Variants in BBS4 observed in about 807,000 individuals in gnomAD.
The protein encoded by BBS4 is Bardet-Biedl syndrome 4, also known as BBSome complex member BBS4.
In BBS4, 58 loss-of-function variants were observed where a neutral mutation model predicts 71.4. The ratio of observed to expected loss-of-function variants is 0.81; its 90% CI spans 0.66 to 1.01. BBS4 has a LOEUF of 1.01. Among genes scored for constraint, BBS4 ranks in the 50% least tolerant of loss-of-function variants. The pLI is 0.00. For missense variants in BBS4, 660 were observed against 607.9 expected (o/e 1.09, Z -0.90); for synonymous variants, 228 against 216.8 (o/e 1.05, Z -0.46).
chr15:72,687,966 G>A (rs542464008), intron 1 of BBS4, among the ~76,000 whole-genome samples: 1 of 143,068 alleles, frequency 7.0e-6, no homozygotes, highest in South Asian at 2.3e-4. Context: ...CATGGTTAAT[G>A]TTACTGGGTT....
intron 1 of BBS4, among the ~76,000 whole-genome samples, chr15:72,694,832 T>G (rs1189196209): frequency 2.0e-5 from 3 of 152,220 alleles, no homozygotes; most frequent in Non-Finnish European, 4.4e-5. Flanking sequence ...ACTTTTTTGG[T>G]TTGGCTGCTG....
At chr15:72,725,057 T>TATAGAGAGAG (rs369692212) in intron 8 of BBS4, among the ~76,000 whole-genome samples, 5 of 127,592 alleles carry the variant, frequency 3.9e-5, no homozygotes, top group Admixed American at 8.1e-5. Flanking sequence ...TATATATATA[T>TATAGAGAGAG]AGAGAGAGAG....
At chr15:72,712,908 TA>T (rs2065401108) in intron 4 of BBS4, among the ~76,000 whole-genome samples, 1 of 152,204 alleles carries the variant, frequency 6.6e-6, no homozygotes, top group Non-Finnish European at 1.5e-5. Flanking sequence ...TTATAAACTT[TA>T]AAACTTTTTG....
chr15:72,722,796 G>A lies in BBS4; in HGVS notation c.408G>A (p.Glu136=), dbSNP rs201881253. Residue 136 remains glutamate, a splice_region_variant and synonymous_variant, in exon 7 of 16, where the codon GAG becomes GAA. Transcript: ENST00000268057. Reference sequence around the variant, plus strand: ...TTCCTTCTTTTTTATGAGCCTAGGAGATCAGCCATAACCTAGGAGTTTGCT... The same window carrying A: ...TTCCTTCTTTTTTATGAGCCTAGGAAATCAGCCATAACCTAGGAGTTTGCT... ...EAAKLNQKDW[E]ISHNLGVCYI... The A allele has an allele frequency of 3.0e-5, 48 of 1,613,760 alleles. No individual in the cohort carries two copies. The East Asian group carries it at 9.6e-4, about 32-fold the overall frequency.
At chr15:72,714,457 C>T (rs1165727786) in intron 4 of BBS4, among the ~76,000 whole-genome samples, 4 of 152,076 alleles carry the variant, frequency 2.6e-5, no homozygotes, top group African/African-American at 9.7e-5. Context: ...AACTCCTGAC[C>T]TCAGGTGATC....
chr15:72,701,571 G>A (rs1366912381), intron 2 of BBS4, among the ~76,000 whole-genome samples: 1 of 150,196 alleles, frequency 6.7e-6, no homozygotes, highest in Non-Finnish European at 1.5e-5. Flanking sequence ...AAATAAAGGT[G>A]TACAAACGCA....
In BBS4 at chr15:72,735,197, G is replaced by C; in HGVS notation, c.1106+15G>C. ...CACCTGGATAAGTATGCACTTTGTT[G>C]AGAATGGTACTGGCGGGGGTTGGAC... On this transcript the variant is annotated intron_variant, in intron 13 of 15. Coordinates refer to ENST00000268057, the MANE Select transcript of BBS4 (RefSeq NM_033028.5). The C allele has an allele frequency of 6.2e-7, 1 of 1,607,826 alleles. No homozygotes were observed. The highest frequency in any genetic ancestry group is 8.5e-7 in the Non-Finnish European group (1 of 1,174,656).
chr15:72,735,732 C>A, intron 13 of BBS4, 93 bp from the exon 14 acceptor site: 4 of 1,499,294 alleles, frequency 2.7e-6, no homozygotes, highest in Non-Finnish European at 3.7e-6. Context: ...CTCTACTTAA[C>A]CAGTTTTGTT....
Position 72,686,208 on chromosome 15 carries a change from C to T in BBS4, c.-20C>T. ...GGGAAACCGCCGACTTCCGGCCGCG[C>T]AGCGGTGGGCTGAGCTAAAATGGCT... On this transcript the variant is annotated 5_prime_UTR_variant, in exon 1 of 16. Coordinates refer to ENST00000268057, the MANE Select transcript of BBS4 (RefSeq NM_033028.5). 2.6e-6 allele frequency: 4 copies of T among 1,557,174 alleles called. No homozygotes were observed. Among genetic ancestry groups the T allele is most frequent in the Non-Finnish European group, 3.5e-6 (4 of 1,151,566 alleles).
rs66684005 is a variant in BBS4 at position 72,710,195 on chromosome 15, G to GTTTTTT, written c.156+436_156+441dup. Among the ~76,000 whole-genome samples, 9 of 103,428 alleles carry GTTTTTT rather than the reference G, an allele frequency of 8.7e-5. 1 individual carries two copies. The highest frequency in any genetic ancestry group is 2.6e-4 in the African/African-American group (7 of 27,234). The allele number at this position is 103,428 out of a possible 152,430, so 67.9% of individuals were successfully genotyped here. On this transcript the variant is annotated intron_variant, in intron 3 of 15. Transcript: ENST00000268057. ...TAGATGAAAAATGGTATTTTGTCGA[G>GTTTTTT]TTTTTTTTTTTTTTTTTTTTTTTTT...
intron 1 of BBS4, among the ~76,000 whole-genome samples, chr15:72,694,550 T>C (rs559907212): frequency 6.6e-6 from 1 of 152,350 alleles, no homozygotes; most frequent in South Asian, 2.1e-4. Context: ...CGCTATGATG[T>C]ATCTAAGTAT....
At chr15:72,720,730 T>C (rs1005263924) in intron 6 of BBS4, among the ~76,000 whole-genome samples, 2 of 152,210 alleles carry the variant, frequency 1.3e-5, no homozygotes, top group Admixed American at 1.3e-4. Context: ...TTCAGACCTG[T>C]GATCTAGGAT....
rs753067534 is a variant in BBS4, at chr15:72,738,330, T to TAGTC, written c.*747_*750dup. ...TTAGATGAGTAATTGTTATTGAAGA[T>TAGTC]AGTCAGTGATAACCACTGACCAGAT... On this transcript the variant is annotated 3_prime_UTR_variant, in exon 16 of 16. Transcript: ENST00000268057. The TAGTC allele has an allele frequency of 8.8e-6, 4 of 454,106 alleles. No homozygotes were observed. Among genetic ancestry groups the TAGTC allele is most frequent in the South Asian group, 3.1e-5 (2 of 64,474 alleles). The allele number at this position is 454,106 out of a possible 1,614,324, so 28.1% of individuals were successfully genotyped here.
rs2065243855 is a variant in BBS4 at position 72,705,303 on chromosome 15, G to C, written c.77-4397G>C. On this transcript the variant is annotated intron_variant, in intron 2 of 15. Coordinates refer to ENST00000268057, the MANE Select transcript of BBS4 (RefSeq NM_033028.5). ...ATATTGGTTGAATGAATGAGTCTTGGTTTTACAGATGAGGAAACTATAAAT... is the reference window on the plus strand; with the variant it reads ...ATATTGGTTGAATGAATGAGTCTTGCTTTTACAGATGAGGAAACTATAAAT... Among the ~76,000 whole-genome samples, 3 of 150,692 alleles carry C rather than the reference G, an allele frequency of 2.0e-5. No homozygotes were observed. In the South Asian group the frequency reaches 6.2e-4, roughly 31 times the overall value.
chr15:72,729,344 G>T (rs1343682092), intron 9 of BBS4, among the ~76,000 whole-genome samples: 1 of 149,612 alleles, frequency 6.7e-6, no homozygotes, highest in Non-Finnish European at 1.5e-5. Context: ...TCTGCCTCCT[G>T]GGTTCAAGCG....
At chr15:72,687,556 A>T (rs1428308274) in intron 1 of BBS4, among the ~76,000 whole-genome samples, 67 of 151,002 alleles carry the variant, frequency 4.4e-4, no homozygotes, top group Admixed American at 2.2e-3. Flanking sequence ...GTGAGCCGAG[A>T]TCATGCCATT....
chr15:72,695,838 C>G (rs1177637842), intron 2 of BBS4, among the ~76,000 whole-genome samples: 1 of 152,142 alleles, frequency 6.6e-6, no homozygotes, highest in Non-Finnish European at 1.5e-5. Context: ...TTGTTGGTTT[C>G]TAGTTTAATT....
chr15:72,736,721 A>G, intron 14 of BBS4, 41 bp from the exon 15 acceptor site: 2 of 1,604,940 alleles, frequency 1.2e-6, no homozygotes, highest in South Asian at 1.1e-5. Context: ...TGTCTCTGAC[A>G]GTCACGCTTT....
At chr15:72,724,427 C>T in intron 7 of BBS4, 101 bp from the exon 8 acceptor site, 1 of 1,539,304 alleles carries the variant, frequency 6.5e-7, no homozygotes, top group South Asian at 1.1e-5. Context: ...TGTGATGTTC[C>T]TATGTCAATA....
Sources: gnomAD v4.1 joint callset for allele counts (sites outside exome capture counted in the v4.1 genomes callset) on GRCh38, gnomAD v4.1.1 for gene constraint, MANE v1.5 for transcripts, NCBI Gene and HGNC (gene_info 2026-07-23, HGNC 2026-07-21) for gene names.